The following QSER1 variants were observed in gnomAD, a reference collection of about 807,000 sequenced individuals.
The protein encoded by QSER1 is glutamine and serine rich 1, also known as glutamine and serine-rich protein 1.
Under a neutral mutation model 158.5 loss-of-function variants are expected in QSER1, and 49 were observed. The ratio of observed to expected loss-of-function variants is 0.31; its 90% CI spans 0.25 to 0.39. The LOEUF (loss-of-function observed/expected upper bound fraction) is 0.39. Ranked by LOEUF, QSER1 falls within the 10% of genes least tolerant of loss-of-function variation. The pLI is 1.00. For synonymous variants in QSER1, 650 were observed against 715.5 expected (o/e 0.91, Z 1.46); for missense variants, 1,754 against 2,010.3 (o/e 0.87, Z 2.44).
intron 1 of QSER1, among the ~76,000 whole-genome samples, chr11:32,909,570 G>T (rs1324492718): frequency 6.6e-6 from 1 of 151,948 alleles, no homozygotes; most frequent in East Asian, 1.9e-4. Flanking sequence ...CTCCCAAGTA[G>T]CTGGGACTAC....
chr11:32,912,721 C>A (rs1219874806), intron 1 of QSER1, among the ~76,000 whole-genome samples: 1 of 151,956 alleles, frequency 6.6e-6, no homozygotes, highest in Non-Finnish European at 1.5e-5. Context: ...CCAGCCTGGG[C>A]AATATAGGGA....
chr11:32,894,941 T>C (rs564554544), intron 1 of QSER1, among the ~76,000 whole-genome samples: 15 of 152,354 alleles, frequency 9.8e-5, no homozygotes, highest in African/African-American at 3.4e-4. Context: ...AATTTACAAA[T>C]GAAAATTACT....
In QSER1 at chr11:32,934,677, G is replaced by T. The variant is rs1453451783; in HGVS notation, c.3419G>T (p.Ser1140Ile). Residue 1140 changes from serine (S) to isoleucine (I), a missense_variant, in exon 4 of 13, where the codon AGT becomes ATT. Physicochemically the swap from Ser to Ile is moderately radical, Grantham distance 142 (BLOSUM62 -2). Transcript: ENST00000650167. ...AGAAACCAAGAGTTTGTTTCTAGTA[G>T]TAGAAGTATAAGTGGAGAGAATGCT... is the stretch of plus-strand genomic sequence containing the variant. ...NNRNQEFVSS[S>I]RSISGENATS... 1 of 1,613,888 alleles carries T rather than the reference G, an allele frequency of 6.2e-7. No homozygotes were observed. Among genetic ancestry groups the T allele is most frequent in the African/African-American group, 1.3e-5 (1 of 75,046 alleles).
intron 4 of QSER1, among the ~76,000 whole-genome samples, chr11:32,937,631 A>C (rs982675330): frequency 1.3e-5 from 2 of 152,154 alleles, no homozygotes; most frequent in African/African-American, 4.8e-5. Flanking sequence ...CATCCTCCAC[A>C]TTGTCAACAG....
intron 8 of QSER1, 106 bp downstream of exon 8, chr11:32,958,192 T>C (rs1402871521): frequency 1.1e-6 from 1 of 899,414 alleles, no homozygotes; most frequent in Non-Finnish European, 1.7e-6. Flanking sequence ...TCAGGGAATT[T>C]ATCTACCTAA....
intron 12 of QSER1, 168 bp downstream of exon 12, chr11:32,975,511 C>T: frequency 6.8e-7 from 1 of 1,474,968 alleles, no homozygotes; most frequent in Non-Finnish European, 9.0e-7. Flanking sequence ...AGTCTCTCTG[C>T]TATGTTTTGT....
At chr11:32,955,226 A>C in intron 5 of QSER1, 70 bp from the exon 6 acceptor site, 1 of 817,840 alleles carries the variant, frequency 1.2e-6, no homozygotes, top group Non-Finnish European at 2.0e-6. Flanking sequence ...GATTCCTTTC[A>C]TCTCTAATAT....
At chr11:32,943,445 C>G (rs1387251007) in intron 4 of QSER1, among the ~76,000 whole-genome samples, 8 of 151,952 alleles carry the variant, frequency 5.3e-5, no homozygotes, top group East Asian at 3.9e-4. Flanking sequence ...TAGCATGAAG[C>G]GTTGTTGAAT....
intron 4 of QSER1, 66 bp from the exon 5 acceptor site, chr11:32,953,791 G>A: frequency 6.6e-7 from 1 of 1,518,882 alleles, no homozygotes; most frequent in East Asian, 2.3e-5. Flanking sequence ...ACTGTTTTGA[G>A]TTTTACACAA....
rs538177766 is a variant in QSER1, at chr11:32,950,197, C to T, written c.4178-3660C>T. 2.6e-4 allele frequency among the ~76,000 whole-genome samples: 40 copies of T among 152,126 alleles called. No homozygotes were observed. In the East Asian group the frequency reaches 5.4e-3, roughly 21 times the overall value. ...GCAACCTCCGCCTCCCAGGTTCAAG[C>T]GATTCTCCTGCCTCAGCCTCCCGAG... is the stretch of plus-strand genomic sequence containing the variant. On this transcript the variant is annotated intron_variant, in intron 4 of 12. Transcript: ENST00000650167.
intron 3 of QSER1, among the ~76,000 whole-genome samples, chr11:32,929,912 C>A (rs1334276874): frequency 6.6e-6 from 1 of 152,190 alleles, no homozygotes; most frequent in Non-Finnish European, 1.5e-5. Flanking sequence ...CTTACTACCA[C>A]TTTAAGCCCC....
intron 4 of QSER1, among the ~76,000 whole-genome samples, chr11:32,942,623 T>C (rs1852260618): frequency 1.3e-5 from 2 of 152,218 alleles, no homozygotes; most frequent in Non-Finnish European, 2.9e-5. Flanking sequence ...CCATGCTGTT[T>C]TGGTTCCTGT....
chr11:32,895,959 A>G (rs2746037), intron 1 of QSER1, among the ~76,000 whole-genome samples: 113,864 of 152,188 alleles, frequency 0.75, 44,098 homozygotes, highest in East Asian at 0.99. Context: ...TGGGGCTTAT[A>G]GAAAGATTTT....
At chr11:32,968,925 T>C in intron 9 of QSER1, 121 bp from the exon 10 acceptor site, 1 of 579,220 alleles carries the variant, frequency 1.7e-6, no homozygotes, top group Non-Finnish European at 2.9e-6. Context: ...TTGCAATCAG[T>C]ATTTTACATA....
At chr11:32,912,863 T>C (rs573708463) in intron 1 of QSER1, among the ~76,000 whole-genome samples, 87 of 152,106 alleles carry the variant, frequency 5.7e-4, no homozygotes, top group Non-Finnish European at 1.1e-3. Flanking sequence ...GGGTGAGTTA[T>C]GATCACACCA....
At chr11:32,968,706 A>G (rs7112595) in intron 9 of QSER1, among the ~76,000 whole-genome samples, 2,551 of 152,334 alleles carry the variant, frequency 0.017, 61 homozygotes, top group African/African-American at 0.058. Context: ...CAGCTTGCCT[A>G]TTCGTCACAT....
intron 1 of QSER1, among the ~76,000 whole-genome samples, chr11:32,910,747 A>C (rs1851755751): frequency 6.6e-6 from 1 of 152,256 alleles, no homozygotes; most frequent in African/African-American, 2.4e-5. Flanking sequence ...GATCAAAGGT[A>C]AATAGAGTAA....
chr11:32,954,339 T>C (rs117036265), intron 5 of QSER1, among the ~76,000 whole-genome samples, 160 bp downstream of exon 5: 2,961 of 152,348 alleles, frequency 0.019, 45 homozygotes, highest in South Asian at 0.038. Context: ...AGATGTCAGA[T>C]ATCATTGAAG....
chr11:32,926,925 T>C (rs1033754725), intron 1 of QSER1: 1 of 152,242 alleles, frequency 6.6e-6, no homozygotes, highest in Non-Finnish European at 1.5e-5. Context: ...AGACTCTTGT[T>C]TGAGGTAGAA....
Sources: gnomAD v4.1 joint callset for allele counts (sites outside exome capture counted in the v4.1 genomes callset) on GRCh38, gnomAD v4.1.1 for gene constraint, MANE v1.5 for transcripts, NCBI Gene and HGNC (gene_info 2026-07-23, HGNC 2026-07-21) for gene names.